The following SLC9A9 variants were observed in gnomAD, a reference collection of about 807,000 sequenced individuals.
SLC9A9 encodes the protein sodium/hydrogen exchanger 9.
A neutral mutation model predicts 77.8 loss-of-function variants in SLC9A9; 62 were observed. The ratio of observed to expected loss-of-function variants is 0.80; its 90% confidence interval spans 0.65 to 0.98. The LOEUF is 0.98. Ranked by LOEUF, SLC9A9 falls within the 50% of genes least tolerant of loss-of-function variation. The probability of loss-of-function intolerance (pLI) is 0.00; values close to 1 mark genes in which losing one functional copy is unlikely to be tolerated. For missense variants in SLC9A9, 775 were observed against 774.9 expected (o/e 1.00, Z 0.00); for synonymous variants, 320 against 283.5 (o/e 1.13, Z -1.29).
intron 6 of SLC9A9, among the ~76,000 whole-genome samples, chr3:143,630,051 A>T (rs1044020714): frequency 1.3e-5 from 2 of 152,124 alleles, no homozygotes; most frequent in Non-Finnish European, 2.9e-5. Flanking sequence ...AAACAAAAAC[A>T]TGTATTTTTT....
chr3:143,506,770 T>C (rs962511093), intron 9 of SLC9A9, among the ~76,000 whole-genome samples: 1 of 152,050 alleles, frequency 6.6e-6, no homozygotes, highest in Non-Finnish European at 1.5e-5. Flanking sequence ...GTAAATCTAA[T>C]AGTACTGGTC....
chr3:143,568,043 GTA>G (rs2037197726), intron 8 of SLC9A9, among the ~76,000 whole-genome samples: 1 of 152,110 alleles, frequency 6.6e-6, no homozygotes, highest in South Asian at 2.1e-4. Flanking sequence ...TTGTTTGCAA[GTA>G]ATAAAAACAG....
chr3:143,536,307 C>A (rs1246910726), intron 9 of SLC9A9, among the ~76,000 whole-genome samples: 1 of 152,062 alleles, frequency 6.6e-6, no homozygotes. Context: ...TGTGTAGACC[C>A]ATGTAAATTA....
chr3:143,761,759 C>T (rs2007130522), intron 4 of SLC9A9, among the ~76,000 whole-genome samples: 1 of 152,176 alleles, frequency 6.6e-6, no homozygotes, highest in Non-Finnish European at 1.5e-5. Flanking sequence ...TAAACTAGTT[C>T]AACCATTGTG....
intron 14 of SLC9A9, 71 bp downstream of exon 14, chr3:143,363,413 C>T (rs1334590945): frequency 1.4e-6 from 2 of 1,405,048 alleles, no homozygotes; most frequent in Admixed American, 3.4e-5. Flanking sequence ...GTGCACACTT[C>T]AATGATTAAG....
intron 4 of SLC9A9, among the ~76,000 whole-genome samples, chr3:143,709,421 C>A (rs1029120041): frequency 1.1e-4 from 17 of 152,080 alleles, no homozygotes; most frequent in African/African-American, 2.9e-4. Flanking sequence ...TGGGGTGGGG[C>A]CTGGGATTCT....
chr3:143,378,293 G>C (rs1236097862), intron 13 of SLC9A9, among the ~76,000 whole-genome samples: 1 of 152,166 alleles, frequency 6.6e-6, no homozygotes, highest in Admixed American at 6.6e-5. Flanking sequence ...ATACATGCAC[G>C]CATACCAGTT....
chr3:143,325,507 G>C (rs2031565411), intron 14 of SLC9A9, among the ~76,000 whole-genome samples: 1 of 152,130 alleles, frequency 6.6e-6, no homozygotes, highest in Non-Finnish European at 1.5e-5. Flanking sequence ...GTTTTCATCT[G>C]TCTCTGACTG....
chr3:143,391,194 C>A (rs1239162928), intron 12 of SLC9A9, among the ~76,000 whole-genome samples: 3 of 152,226 alleles, frequency 2.0e-5, no homozygotes, highest in African/African-American at 7.2e-5. Context: ...AACTGGGAGG[C>A]ACCCTCCAGT....
At chr3:143,633,239 A>C (rs1360164534) in intron 6 of SLC9A9, among the ~76,000 whole-genome samples, 1 of 152,252 alleles carries the variant, frequency 6.6e-6, no homozygotes, top group African/African-American at 2.4e-5. Context: ...TTTCATTCCA[A>C]TTAAAAATGC....
chr3:143,837,226 C>T (rs1421094665), intron 1 of SLC9A9, among the ~76,000 whole-genome samples: 1 of 152,208 alleles, frequency 6.6e-6, no homozygotes, highest in Non-Finnish European at 1.5e-5. Flanking sequence ...TGGCACAACT[C>T]TGGCCAGATC....
At chr3:143,450,052 CACATATATAATATGT>C (rs1258757838) in intron 12 of SLC9A9, among the ~76,000 whole-genome samples, 5 of 67,762 alleles carry the variant, frequency 7.4e-5, no homozygotes, top group Admixed American at 2.2e-4. Context: ...TATATATACA[CACATATATAATATGT>C]ATATATAATA....
chr3:143,694,581 A>G (rs1336856843), intron 4 of SLC9A9, among the ~76,000 whole-genome samples: 1 of 152,144 alleles, frequency 6.6e-6, no homozygotes. Context: ...ACCCACATCA[A>G]TGGTAATATT....
At chr3:143,467,674 A>G (rs1175920271) in intron 11 of SLC9A9, among the ~76,000 whole-genome samples, 1 of 151,666 alleles carries the variant, frequency 6.6e-6, no homozygotes, top group Non-Finnish European at 1.5e-5. Context: ...CAAGGCTGCA[A>G]TGAGCTAGGA....
intron 11 of SLC9A9, among the ~76,000 whole-genome samples, chr3:143,469,207 G>A (rs573675500): frequency 1.3e-5 from 2 of 152,134 alleles, no homozygotes; most frequent in East Asian, 1.9e-4. Context: ...ACTTGAAATC[G>A]AAACGTGATG....
rs1335972309 is a variant in SLC9A9, at chr3:143,780,074, C to T, written c.533+14927G>A. On this transcript the variant is annotated intron_variant, in intron 4 of 15. Coordinates refer to ENST00000316549, the MANE Select transcript of SLC9A9 (RefSeq NM_173653.4). ...ATCAGGTTATTGATTTCTGTAGAAG[C>T]CTTAAGTTTGTAACCTAGAATAGAT... 2.0e-5 allele frequency among the ~76,000 whole-genome samples: 3 copies of T among 152,118 alleles called. No individual in the cohort carries two copies. The East Asian group carries it at 5.8e-4, about 29-fold the overall frequency.
intron 6 of SLC9A9, among the ~76,000 whole-genome samples, chr3:143,623,039 A>G (rs1379870505): frequency 3.3e-5 from 5 of 152,160 alleles, no homozygotes; most frequent in Admixed American, 6.5e-5. Context: ...AATGGTAAAG[A>G]GATCAATTCA....
intron 1 of SLC9A9, 96 bp from the exon 2 acceptor site, chr3:143,832,317 G>A (rs977377789): frequency 2.1e-4 from 235 of 1,099,168 alleles, no homozygotes; most frequent in Non-Finnish European, 2.9e-4. Flanking sequence ...GAAGTGACAG[G>A]ATAAAGTGTT....
intron 14 of SLC9A9, among the ~76,000 whole-genome samples, chr3:143,348,205 G>A (rs1196845864): frequency 1.3e-5 from 2 of 152,080 alleles, no homozygotes; most frequent in African/African-American, 2.4e-5. Context: ...TCACCATGTT[G>A]CCAGGATGGT....
Sources: allele counts gnomAD v4.1 joint callset (sites outside exome capture counted in the v4.1 genomes callset), GRCh38; gene constraint gnomAD v4.1.1; transcripts MANE v1.5; gene names NCBI Gene and HGNC (gene_info 2026-07-23, HGNC 2026-07-21).